GCA: variants seen among roughly 807,000 people sequenced by gnomAD.
GCA encodes the protein grancalcin, EF-hand calcium-binding protein.
In GCA, 30 loss-of-function variants were observed where a neutral mutation model predicts 32.6. The ratio of observed to expected loss-of-function variants is 0.92; its 90% CI spans 0.69 to 1.25. The LOEUF (loss-of-function observed/expected upper bound fraction) is 1.25, where lower values mean the gene tolerates loss of function less well. Ranked by LOEUF, GCA falls within the 50% of genes most tolerant of loss-of-function variation. The pLI, the probability that GCA is intolerant of heterozygous loss-of-function variation, is 0.00. For synonymous variants in GCA, 102 were observed against 84.6 expected (o/e 1.21, Z -1.13); for missense variants, 291 against 266.8 (o/e 1.09, Z -0.63).
chr2:162,363,504 T>C (rs990579335), downstream of GCA, among the ~76,000 whole-genome samples: 5 of 151,350 alleles, frequency 3.3e-5, no homozygotes, highest in African/African-American at 9.7e-5. Flanking sequence ...ATTTAGAAGT[T>C]ATGAGTGCAG....
chr2:162,323,890 G>A (rs538226166), intron 1 of GCA, among the ~76,000 whole-genome samples: 12 of 150,036 alleles, frequency 8.0e-5, no homozygotes, highest in East Asian at 5.8e-4. Context: ...TTGGCGATGC[G>A]GGCTCTTTTT....
intron 7 of GCA, 128 bp from the exon 8 acceptor site, chr2:162,360,089 G>A: frequency 6.6e-6 from 4 of 602,788 alleles, no homozygotes; most frequent in Non-Finnish European, 1.2e-5. Flanking sequence ...GATATTTATT[G>A]GCTTGAATTA....
chr2:162,321,866 A>C (rs1683676557), intron 1 of GCA, among the ~76,000 whole-genome samples: 1 of 136,762 alleles, frequency 7.3e-6, no homozygotes, highest in African/African-American at 2.7e-5. Context: ...ACAATTTATA[A>C]AGGAAAAATT....
chr2:162,338,186 A>G (rs1351058903), intron 1 of GCA, among the ~76,000 whole-genome samples: 1 of 152,204 alleles, frequency 6.6e-6, no homozygotes, highest in Non-Finnish European at 1.5e-5. Flanking sequence ...TGTAATTTTT[A>G]AATTTTTATT....
intron 2 of GCA, among the ~76,000 whole-genome samples, chr2:162,348,437 TATATC>T (rs1323079537): frequency 2.0e-5 from 3 of 152,206 alleles, no homozygotes; most frequent in South Asian, 2.1e-4. Flanking sequence ...CAGGTGAAGT[TATATC>T]ATTTATAGTA....
At chr2:162,336,644 C>T (rs1431091253) in intron 1 of GCA, among the ~76,000 whole-genome samples, 1 of 152,088 alleles carries the variant, frequency 6.6e-6, no homozygotes, top group African/African-American at 2.4e-5. Flanking sequence ...AAGTATATCT[C>T]TCTCTCTCTT....
chr2:162,356,481 T>G lies in GCA; in HGVS notation c.306T>G (p.Asp102Glu). 1.3e-6 allele frequency: 2 copies of G among 1,544,734 alleles called. No individual in the cohort carries two copies. Among genetic ancestry groups the G allele is most frequent in the South Asian group, 1.1e-5 (1 of 89,404 alleles). ...GCAGAATTATGATTGCCATGTTGGA[T>G]GTATCCTTGAATAGAAATAGAAAAT... is the stretch of plus-strand genomic sequence containing the variant. ...ETCRIMIAML[D>E]RDHTGKMGFN... The change falls in exon 4 of 8, where the codon GAT (aspartate) becomes GAG (glutamate). Residue 102 changes from aspartate (D) to glutamate (E), a missense_variant and splice_region_variant. Asp to Glu is a conservative substitution (Grantham distance 45). Coordinates refer to ENST00000437150, the MANE Select transcript of GCA (RefSeq NM_012198.5).
intron 5 of GCA, among the ~76,000 whole-genome samples, chr2:162,357,625 G>A (rs1374611432): frequency 6.6e-6 from 1 of 151,664 alleles, no homozygotes; most frequent in Non-Finnish European, 1.5e-5. Flanking sequence ...ATTTAAATAA[G>A]TCAAATTAGT....
chr2:162,333,185 A>T (rs940802666), intron 1 of GCA, among the ~76,000 whole-genome samples: 1 of 152,094 alleles, frequency 6.6e-6, no homozygotes, highest in Non-Finnish European at 1.5e-5. Flanking sequence ...TGGAACCTGT[A>T]TACCATTTTG....
Position 162,352,377 on chromosome 2 carries a change from A to G in GCA, c.232A>G (p.Thr78Ala), listed in dbSNP as rs1287713877. Reference sequence around the variant, plus strand: ...TGCTGAAGAACTTCAGAGATGTTTGACACAGTCTGGAATTAATGGAACTTA... The same window carrying G: ...TGCTGAAGAACTTCAGAGATGTTTGGCACAGTCTGGAATTAATGGAACTTA... ...VDAEELQRCL[T>A]QSGINGTYSP... The change falls in exon 3 of 8, where the codon ACA becomes GCA. Residue 78 changes from threonine (T) to alanine (A), a missense_variant. Thr to Ala is a moderately conservative substitution (Grantham distance 58). Coordinates refer to ENST00000437150, the MANE Select transcript of GCA (RefSeq NM_012198.5). The G allele has an allele frequency of 6.3e-7, 1 of 1,594,412 alleles. No homozygotes were observed. Among genetic ancestry groups the G allele is most frequent in the African/African-American group, 1.3e-5 (1 of 74,604 alleles).
intron 7 of GCA, among the ~76,000 whole-genome samples, chr2:162,359,879 C>A (rs991258039): frequency 6.6e-6 from 1 of 150,914 alleles, no homozygotes; most frequent in Admixed American, 6.6e-5. Context: ...TATTTTTTCT[C>A]AGGGAGGGAA....
At chr2:162,337,372 A>G (rs1684302339) in intron 1 of GCA, among the ~76,000 whole-genome samples, 1 of 152,186 alleles carries the variant, frequency 6.6e-6, no homozygotes. Flanking sequence ...CTTCTGCCTA[A>G]GGGTGGTAAT....
At chr2:162,321,856 A>G (rs372872686) in intron 1 of GCA, among the ~76,000 whole-genome samples, 40 of 143,784 alleles carry the variant, frequency 2.8e-4, no homozygotes, top group African/African-American at 1.0e-3. Context: ...CAAAGAATGC[A>G]CAATTTATAA....
rs1558891921 is a variant in GCA at position 162,344,165 on chromosome 2, T to TC, written c.-82dup. 42 of 1,455,980 alleles carry TC rather than the reference T, an allele frequency of 2.9e-5. No individual in the cohort carries two copies. In the African/African-American group the frequency reaches 5.4e-4, roughly 19 times the overall value. The allele number at this position is 1,455,980 out of a possible 1,614,324, so 90.2% of individuals were successfully genotyped here. ...TTTCAGCCTCACCTGCAGCTGCGCCTCCTTGCACCTGCGCCTGTGCTTTTT... is the reference window on the plus strand; with the variant it reads ...TTTCAGCCTCACCTGCAGCTGCGCCTCCCTTGCACCTGCGCCTGTGCTTTTT... On this transcript the variant is annotated 5_prime_UTR_variant, in exon 1 of 8. Coordinates refer to ENST00000437150, the MANE Select transcript of GCA (RefSeq NM_012198.5).
chr2:162,360,462 T>C lies in GCA; in HGVS notation c.*219T>C. On this transcript the variant is annotated 3_prime_UTR_variant, in exon 8 of 8. Transcript: ENST00000437150. ...GCTTTTGGAAAAGTTATTTTATAAA[T>C]ATGTGCATATTGTCATAAAATATTG... 9.8e-7 allele frequency: 1 copy of C among 1,021,516 alleles called. No individual in the cohort carries two copies. The highest frequency in any genetic ancestry group is 1.3e-6 in the Non-Finnish European group (1 of 766,774). The allele number at this position is 1,021,516 out of a possible 1,614,324, so 63.3% of individuals were successfully genotyped here.
chr2:162,332,869 T>C (rs1486108567), intron 1 of GCA, among the ~76,000 whole-genome samples: 1 of 152,112 alleles, frequency 6.6e-6, no homozygotes. Context: ...CCCTAAGATG[T>C]GATGGAGAGA....
Position 162,322,417 on chromosome 2 carries a change from A to AT in GCA, c.-31+3194dup, listed in dbSNP as rs570929661. Among the ~76,000 whole-genome samples the AT allele has an allele frequency of 2.0e-3, 295 of 147,922 alleles. 2 individuals are homozygous for AT. The highest frequency in any genetic ancestry group is 0.018 in the East Asian group (93 of 5,116). The stretch of plus-strand genomic sequence containing the variant: ...TATTTATTTATTTATTTATTTATTT[A>AT]TTATTATACTTTAAGTTTTAGGGTA... On this transcript the variant is annotated intron_variant, in intron 1 of 4. Transcript: ENST00000429691.
chr2:162,344,602 T>C, intron 1 of GCA: 1 of 430,306 alleles, frequency 2.3e-6, no homozygotes, highest in South Asian at 3.6e-5. Context: ...TTGTGGTACT[T>C]CCCTCCCCCG....
chr2:162,344,017 AG>A (rs1684541834), upstream of GCA: 4 of 585,926 alleles, frequency 6.8e-6, no homozygotes, highest in East Asian at 1.1e-4. Flanking sequence ...GGCTGCGGGA[AG>A]GGGCGGACTG....
Sources: allele counts gnomAD v4.1 joint callset (sites outside exome capture counted in the v4.1 genomes callset), GRCh38; gene constraint gnomAD v4.1.1; transcripts MANE v1.5; gene names NCBI Gene and HGNC (gene_info 2026-07-23, HGNC 2026-07-21).